Variants in NAV3 observed in about 807,000 individuals in gnomAD.
NAV3 encodes pore membrane and/or filament interacting like protein 1.
NAV3 carries 87 observed loss-of-function variants against 244.7 expected under a neutral mutation model. That is an observed-to-expected ratio of 0.36 (90% CI 0.30 to 0.42). NAV3 has a LOEUF of 0.42. Ranked by LOEUF, NAV3 falls within the 20% of genes least tolerant of loss-of-function variation. NAV3 has a pLI of 1.00. For missense variants in NAV3, 2,663 were observed against 2,893.3 expected (o/e 0.92, Z 1.83); for synonymous variants, 1,126 against 1,042.2 (o/e 1.08, Z -1.55).
At chr12:78,133,373 A>G (rs369801011) in intron 18 of NAV3, among the ~76,000 whole-genome samples, 1 of 151,420 alleles carries the variant, frequency 6.6e-6, no homozygotes, top group South Asian at 2.1e-4. Context: ...ATAATAAATT[A>G]AAGTTACTTT....
intron 8 of NAV3, among the ~76,000 whole-genome samples, chr12:78,013,264 G>A (rs1355825353): frequency 6.6e-6 from 1 of 152,084 alleles, no homozygotes; most frequent in Non-Finnish European, 1.5e-5. Flanking sequence ...CATCCACAAT[G>A]TGGTAGACAA....
Position 77,683,202 on chromosome 12 carries a change from G to T in NAV3, c.72+110936G>T, listed in dbSNP as rs539699390. Among the ~76,000 whole-genome samples, 133 of 152,150 alleles carry T rather than the reference G, an allele frequency of 8.7e-4. 2 individuals carry two copies. Among genetic ancestry groups the T allele is most frequent in the African/African-American group, 3.1e-3 (129 of 41,520 alleles). ...AGTTGATATTTTTGTATGGTATAAGGTGAGGGTCTAATTTCATTCTTTTGC... is the reference window on the plus strand; with the variant it reads ...AGTTGATATTTTTGTATGGTATAAGTTGAGGGTCTAATTTCATTCTTTTGC... On this transcript the variant is annotated intron_variant, in intron 2 of 8. Coordinates refer to the NAV3 transcript ENST00000550042.
intron 5 of NAV3, among the ~76,000 whole-genome samples, chr12:77,981,739 A>G (rs1234127561): frequency 6.6e-6 from 1 of 151,892 alleles, no homozygotes; most frequent in Non-Finnish European, 1.5e-5. Flanking sequence ...TAAAACTCAA[A>G]CCCAAGAAAT....
chr12:78,170,937 A>C (rs943059048), intron 24 of NAV3, among the ~76,000 whole-genome samples: 1 of 151,732 alleles, frequency 6.6e-6, no homozygotes, highest in Admixed American at 6.6e-5. Context: ...TATTTAAGGT[A>C]TGTCTTTCCT....
chr12:77,817,321 A>T (rs905146604), intron 2 of NAV3, among the ~76,000 whole-genome samples: 1 of 152,206 alleles, frequency 6.6e-6, no homozygotes, highest in East Asian at 1.9e-4. Flanking sequence ...TTGTAATTTT[A>T]TACTTCTATT....
intron 2 of NAV3, among the ~76,000 whole-genome samples, chr12:77,619,186 C>A (rs1393425256): frequency 2.0e-5 from 3 of 152,170 alleles, no homozygotes; most frequent in Non-Finnish European, 4.4e-5. Flanking sequence ...TCACTGCCAA[C>A]CGTGATTCTT....
intron 2 of NAV3, among the ~76,000 whole-genome samples, chr12:77,652,104 A>C (rs1214125412): frequency 2.0e-5 from 3 of 152,228 alleles, no homozygotes; most frequent in Non-Finnish European, 4.4e-5. Flanking sequence ...TAAAATTGTA[A>C]TACTACTACC....
chr12:78,146,382 C>A lies in NAV3; in HGVS notation c.4697C>A (p.Ala1566Asp). The A allele has an allele frequency of 1.8e-6, 2 of 1,082,700 alleles. No homozygotes were observed. Among genetic ancestry groups the A allele is most frequent in the South Asian group, 1.9e-5 (1 of 52,988 alleles). The allele number at this position is 1,082,700 out of a possible 1,614,324, so 67.1% of individuals were successfully genotyped here. A position where few individuals can be genotyped will look rare whatever the true frequency, so the allele number is the denominator to read the frequency against. The change falls in exon 21 of 40, where the codon GCT (alanine) becomes GAT (aspartate). Residue 1566 changes from alanine to aspartate, a missense_variant. Ala to Asp is a moderately radical substitution (Grantham distance 126). Around this residue, in one of 6 missense-constraint regions of NAV3, gnomAD observed 354 missense variants for 413.0 expected, o/e 0.86. Coordinates refer to ENST00000397909, the MANE Select transcript of NAV3 (RefSeq NM_001024383.2). Reference protein sequence around the residue: ...SSLYSTAEEKAHSEQIHKLRR... With the variant: ...SSLYSTAEEKDHSEQIHKLRR... Reference sequence around the variant, plus strand: ...ATTGTTTTACAGGCTGAAGAAAAGGCTCATTCAGAGGTAAAAAAAAAATAT... The same window carrying A: ...ATTGTTTTACAGGCTGAAGAAAAGGATCATTCAGAGGTAAAAAAAAAATAT...
At chr12:77,709,629 G>C (rs959379864) in intron 2 of NAV3, among the ~76,000 whole-genome samples, 1 of 152,132 alleles carries the variant, frequency 6.6e-6, no homozygotes, top group African/African-American at 2.4e-5. Flanking sequence ...GACGAGTTAA[G>C]TATATTCCCA....
At chr12:78,158,978 A>C (rs1957415865) in intron 22 of NAV3, among the ~76,000 whole-genome samples, 1 of 152,196 alleles carries the variant, frequency 6.6e-6, no homozygotes, top group Non-Finnish European at 1.5e-5. Flanking sequence ...TTAAACTCAC[A>C]TTAAATGCCA....
chr12:78,112,115 C>A (rs1046965223), intron 12 of NAV3, among the ~76,000 whole-genome samples: 26 of 152,266 alleles, frequency 1.7e-4, no homozygotes, highest in African/African-American at 6.0e-4. Flanking sequence ...TCCACTGACA[C>A]CTCTGACACT....
chr12:77,695,253 A>G (rs936635312), intron 2 of NAV3, among the ~76,000 whole-genome samples: 8 of 152,062 alleles, frequency 5.3e-5, no homozygotes, highest in Admixed American at 4.6e-4. Context: ...GGTTTCCCCA[A>G]TGTTTTCTGT....
intron 2 of NAV3, among the ~76,000 whole-genome samples, chr12:77,583,441 C>T (rs1379218131): frequency 6.6e-6 from 1 of 152,030 alleles, no homozygotes; most frequent in Non-Finnish European, 1.5e-5. Flanking sequence ...GGAAAATGAT[C>T]TGGGGTTATA....
intron 2 of NAV3, among the ~76,000 whole-genome samples, chr12:77,676,129 G>C (rs1417925166): frequency 6.6e-6 from 1 of 151,868 alleles, no homozygotes; most frequent in East Asian, 1.9e-4. Flanking sequence ...TGCTGAACGT[G>C]CAGGTTTGTT....
intron 2 of NAV3, among the ~76,000 whole-genome samples, chr12:77,597,299 C>T (rs900133132): frequency 6.6e-6 from 1 of 152,056 alleles, no homozygotes; most frequent in Admixed American, 6.6e-5. Context: ...TTGCAGTGGC[C>T]TCTAATCAGT....
At chr12:77,615,047 A>T (rs950933528) in intron 2 of NAV3, among the ~76,000 whole-genome samples, 1 of 152,148 alleles carries the variant, frequency 6.6e-6, no homozygotes, top group African/African-American at 2.4e-5. Flanking sequence ...TCACATGCAG[A>T]TGTTGCTTTT....
intron 22 of NAV3, among the ~76,000 whole-genome samples, chr12:78,158,156 T>A (rs535038545): frequency 2.0e-4 from 30 of 152,168 alleles, no homozygotes; most frequent in Non-Finnish European, 3.7e-4. Flanking sequence ...ATTTAAGTCA[T>A]CTTATTCATG....
intron 2 of NAV3, among the ~76,000 whole-genome samples, chr12:77,741,157 A>AAT (rs1182274945): frequency 6.7e-6 from 1 of 148,872 alleles, no homozygotes; most frequent in Non-Finnish European, 1.5e-5. Context: ...ACAAAAAAAA[A>AAT]AAAAAAAAAG....
At chr12:77,703,151 A>T (rs1440351574) in intron 2 of NAV3, among the ~76,000 whole-genome samples, 1 of 152,046 alleles carries the variant, frequency 6.6e-6, no homozygotes, top group South Asian at 2.1e-4. Flanking sequence ...ACATTTCTTT[A>T]TCTCAGAGTT....
Sources: allele counts gnomAD v4.1 joint callset (sites outside exome capture counted in the v4.1 genomes callset), GRCh38; gene constraint gnomAD v4.1.1; regional missense constraint gnomAD v4.1.1; transcripts MANE v1.5; gene names NCBI Gene and HGNC (gene_info 2026-07-23, HGNC 2026-07-21).